Variants in HDAC4 observed in about 807,000 individuals in gnomAD.
The protein encoded by HDAC4 is histone deacetylase 4, also known as histone deacetylase A.
HDAC4 carries 16 observed loss-of-function variants against 135.1 expected under a neutral mutation model. The observed-to-expected ratio is 0.12, with a 90% CI of 0.08 to 0.18. The LOEUF (loss-of-function observed/expected upper bound fraction) is 0.18, where lower values mean the gene tolerates loss of function less well. Ranked by LOEUF, HDAC4 falls within the 10% of genes least tolerant of loss-of-function variation. HDAC4 has a pLI of 1.00. For missense variants in HDAC4, 1,143 were observed against 1,511.8 expected (o/e 0.76, Z 4.05); for synonymous variants, 685 against 653.4 (o/e 1.05, Z -0.74).
chr2:239,327,044 G>A (rs1401280590), intron 2 of HDAC4, among the ~76,000 whole-genome samples: 1 of 152,152 alleles, frequency 6.6e-6, no homozygotes, highest in Non-Finnish European at 1.5e-5. Flanking sequence ...ACCTGTTTCT[G>A]GAAAAAAACC....
intron 21 of HDAC4, among the ~76,000 whole-genome samples, chr2:239,081,742 C>T (rs1338592335): frequency 6.6e-6 from 1 of 152,164 alleles, no homozygotes; most frequent in African/African-American, 2.4e-5. Flanking sequence ...CCGCGCCGGG[C>T]AAAGGACAGT....
rs1364987654 is a variant in HDAC4 at position 239,139,484 on chromosome 2, AAGG to A, written c.978+197_978+199del. Among the ~76,000 whole-genome samples the A allele has an allele frequency of 1.3e-5, 2 of 152,178 alleles. No individual in the cohort carries two copies. The highest frequency in any genetic ancestry group is 1.3e-4 in the Admixed American group (2 of 15,280). On this transcript the variant is annotated intron_variant, in intron 9 of 26. Coordinates refer to ENST00000543185, the MANE Select transcript of HDAC4 (RefSeq NM_001378414.1). The surrounding 1 kb of genome is among the most constrained non-coding windows in gnomAD (Gnocchi z 5.3). ...CCTGGAACTAGCGTGTTCATAATGA[AAGG>A]AGATGTCTGTGATGAGAGGAAGGCA...
In HDAC4 at chr2:239,167,599, C is replaced by A. The variant is rs1575266795; in HGVS notation, c.491-3676G>T. On this transcript the variant is annotated intron_variant, in intron 5 of 26. Transcript: ENST00000543185. The surrounding 1 kb of genome is among the most constrained non-coding windows in gnomAD (Gnocchi z 4.1). ...ATTCAAAATGAGGGGCTGATTCTGACCCCCACCCCGTTTCTGCACTTCTGG... is the reference window on the plus strand; with the variant it reads ...ATTCAAAATGAGGGGCTGATTCTGAACCCCACCCCGTTTCTGCACTTCTGG... Among the ~76,000 whole-genome samples the A allele has an allele frequency of 6.6e-6, 1 of 152,202 alleles. No homozygotes were observed. The highest frequency in any genetic ancestry group is 1.5e-5 in the Non-Finnish European group (1 of 68,032).
chr2:239,058,054 G>C lies in HDAC4; in HGVS notation c.3004-3221C>G, dbSNP rs141480284. On this transcript the variant is annotated intron_variant, in intron 24 of 26. Coordinates refer to ENST00000543185, the MANE Select transcript of HDAC4 (RefSeq NM_001378414.1). Reference sequence around the variant, plus strand: ...CGGCCCTGGTTAAATTTCAGTGTCTGATAAACAAGTAGTTTTGCAGTGGAA... The same window carrying C: ...CGGCCCTGGTTAAATTTCAGTGTCTCATAAACAAGTAGTTTTGCAGTGGAA... Among the ~76,000 whole-genome samples, 88 of 152,358 alleles carry C rather than the reference G, an allele frequency of 5.8e-4. 1 individual carries two copies. Among genetic ancestry groups the C allele is most frequent in the Middle Eastern group, 3.4e-3 (1 of 294 alleles).
At chr2:239,316,028 T>G (rs1051594674) in intron 2 of HDAC4, among the ~76,000 whole-genome samples, 9 of 152,156 alleles carry the variant, frequency 5.9e-5, no homozygotes, top group Non-Finnish European at 1.3e-4. Flanking sequence ...GTAGAACTCT[T>G]ACAAACTGTG....
At chr2:239,298,500 C>T (rs865952482) in intron 2 of HDAC4, 30 of 1,108,888 alleles carry the variant, frequency 2.7e-5, no homozygotes, top group Middle Eastern at 4.2e-4. Context: ...ACTGGGTGAA[C>T]GCTGTGCACT....
At chr2:239,166,317 G>A (rs1458748298) in intron 5 of HDAC4, among the ~76,000 whole-genome samples, 3 of 152,160 alleles carry the variant, frequency 2.0e-5, no homozygotes, top group Non-Finnish European at 4.4e-5. Context: ...GCATGAGTCC[G>A]GGAAGGGCCA....
chr2:239,201,403 G>A (rs2045747785), intron 3 of HDAC4, among the ~76,000 whole-genome samples: 1 of 152,182 alleles, frequency 6.6e-6, no homozygotes, highest in South Asian at 2.1e-4. Context: ...CGGAGTCGAT[G>A]GTCTTCCAAA....
chr2:239,325,303 T>C (rs1456827656), intron 2 of HDAC4, among the ~76,000 whole-genome samples: 2 of 152,116 alleles, frequency 1.3e-5, no homozygotes, highest in Non-Finnish European at 2.9e-5. Flanking sequence ...AATGACAACC[T>C]ACAGAATAGA....
chr2:239,116,937 C>T (rs150261733), intron 12 of HDAC4, among the ~76,000 whole-genome samples: 11 of 152,346 alleles, frequency 7.2e-5, no homozygotes, highest in South Asian at 2.1e-4. Flanking sequence ...CAGCACCCCC[C>T]GACCCCAGTC....
chr2:239,139,063 G>A lies in HDAC4; in HGVS notation c.978+621C>T, dbSNP rs1233403364. Among the ~76,000 whole-genome samples the A allele has an allele frequency of 6.6e-6, 1 of 152,218 alleles. No individual in the cohort carries two copies. Among genetic ancestry groups the A allele is most frequent in the Admixed American group, 6.5e-5 (1 of 15,288 alleles). On this transcript the variant is annotated intron_variant, in intron 9 of 26. Transcript: ENST00000543185. This position sits in a 1 kb window ranked among gnomAD's most constrained non-coding sequence, Gnocchi z 5.3. ...GTGGCACCACTTGGGGTCTGATGAAGGCAGGGGACCAGGGGTGCTGAGCTC... is the reference window on the plus strand; with the variant it reads ...GTGGCACCACTTGGGGTCTGATGAAAGCAGGGGACCAGGGGTGCTGAGCTC...
At chr2:239,197,308 G>A (rs994542141) in intron 3 of HDAC4, among the ~76,000 whole-genome samples, 7 of 152,124 alleles carry the variant, frequency 4.6e-5, no homozygotes, top group South Asian at 2.1e-4. Context: ...GAAAATGGGC[G>A]CCACGTGATG....
intron 2 of HDAC4, among the ~76,000 whole-genome samples, chr2:239,344,146 C>T (rs1261946413): frequency 6.6e-6 from 1 of 152,176 alleles, no homozygotes; most frequent in Non-Finnish European, 1.5e-5. Context: ...CGGAGGCAGC[C>T]ACGCACCTGC....
At chr2:239,218,729 G>A (rs1171212284) in intron 3 of HDAC4, among the ~76,000 whole-genome samples, 1 of 134,250 alleles carries the variant, frequency 7.4e-6, no homozygotes, top group South Asian at 2.6e-4. Flanking sequence ...TCTGACAAAG[G>A]GCTAATATCC....
chr2:239,089,772 G>C (rs1014185030), intron 18 of HDAC4: 2 of 544,630 alleles, frequency 3.7e-6, no homozygotes, highest in Non-Finnish European at 6.6e-6. Context: ...GAGTATAAAG[G>C]GTTCTTAAGA....
rs2052633616 is a variant in HDAC4 at position 239,307,108 on chromosome 2, A to AGG, written c.22+45569_22+45570insCC. On this transcript the variant is annotated intron_variant, in intron 2 of 26. Transcript: ENST00000543185. The surrounding 1 kb of genome is among the most constrained non-coding windows in gnomAD (Gnocchi z 4.8). ...TCGTCCGGATGGCCCATCTCAGGCC[A>AGG]CACCCTCCAGCTCTGTGCCTGCCGT... Among the ~76,000 whole-genome samples the AGG allele has an allele frequency of 6.6e-6, 1 of 151,956 alleles. No homozygotes were observed. The highest frequency in any genetic ancestry group is 1.9e-4 in the East Asian group (1 of 5,132).
At chr2:239,058,956 C>G (rs2106470798) in intron 24 of HDAC4, among the ~76,000 whole-genome samples, 1 of 152,342 alleles carries the variant, frequency 6.6e-6, no homozygotes, top group Middle Eastern at 3.4e-3. Context: ...TGACCACGCA[C>G]TGGCCCGTAA....
At chr2:239,359,557 G>A (rs1333636968) in intron 1 of HDAC4, among the ~76,000 whole-genome samples, 1 of 152,214 alleles carries the variant, frequency 6.6e-6, no homozygotes, top group East Asian at 1.9e-4. Context: ...CAGCTTGGGT[G>A]GGGACCCCTT....
chr2:239,164,032 C>T, intron 5 of HDAC4, 109 bp from the exon 6 acceptor site: 3 of 1,363,014 alleles, frequency 2.2e-6, no homozygotes, highest in South Asian at 1.2e-5. Flanking sequence ...CGGCTATGCA[C>T]CTTCAGGACG....
Sources: allele counts gnomAD v4.1 joint callset (sites outside exome capture counted in the v4.1 genomes callset), GRCh38; gene constraint gnomAD v4.1.1; non-coding constraint Gnocchi (gnomAD v3.1); transcripts MANE v1.5; gene names NCBI Gene and HGNC (gene_info 2026-07-23, HGNC 2026-07-21).